Variants in SPRR2B observed in about 807,000 individuals in gnomAD.
SPRR2B encodes small proline rich protein 2B, also known as small proline-rich protein 2B.
A neutral mutation model predicts 1.0 loss-of-function variants in SPRR2B; 1 was observed. The observed-to-expected ratio is 1.01, with a 90% CI of 0.36 to 4.77. The LOEUF (loss-of-function observed/expected upper bound fraction) is 4.77, where lower values mean the gene tolerates loss of function less well. Ranked by LOEUF, SPRR2B falls within the 30% of genes most tolerant of loss-of-function variation. SPRR2B has a pLI of 0.16. For missense variants in SPRR2B, 53 were observed against 88.7 expected (o/e 0.60, Z 1.62); for synonymous variants, 27 against 33.4 (o/e 0.81, Z 0.66).
At chr1:153,084,666 C>T in the SPRR2B span, among the ~76,000 whole-genome samples, 2 of 152,140 alleles carry the variant, frequency 1.3e-5, no homozygotes, top group African/African-American at 2.4e-5. Flanking sequence ...AAGAACCCTG[C>T]CCCCAGCCCA....
At chr1:153,079,997 G>C in the SPRR2B span, among the ~76,000 whole-genome samples, 1 of 152,116 alleles carries the variant, frequency 6.6e-6, no homozygotes, top group Non-Finnish European at 1.5e-5. Context: ...CTATCCATGA[G>C]CATGGAATGT....
chr1:153,082,769 T>C, the SPRR2B span, among the ~76,000 whole-genome samples: 1 of 150,486 alleles, frequency 6.6e-6, no homozygotes, highest in Non-Finnish European at 1.5e-5. Context: ...AAAAAAAAGA[T>C]CTCAGATAAA....
chr1:153,076,896 A>G, the SPRR2B span, among the ~76,000 whole-genome samples: 1 of 152,244 alleles, frequency 6.6e-6, no homozygotes, highest in Non-Finnish European at 1.5e-5. Flanking sequence ...ATCAAGACTC[A>G]CAAAGACATG....
the SPRR2B span, among the ~76,000 whole-genome samples, chr1:153,081,369 T>C: frequency 3.9e-5 from 6 of 152,324 alleles, no homozygotes; most frequent in East Asian, 1.2e-3. Context: ...ATCAGAAACC[T>C]TGGAGATCAA....
chr1:153,073,805 G>C (rs1654721351), upstream of SPRR2B, among the ~76,000 whole-genome samples: 1 of 151,818 alleles, frequency 6.6e-6, no homozygotes, highest in Non-Finnish European at 1.5e-5. Flanking sequence ...GAGTCTGATA[G>C]CCTTAGGTTC....
At chr1:153,078,518 C>A in the SPRR2B span, among the ~76,000 whole-genome samples, 7 of 152,106 alleles carry the variant, frequency 4.6e-5, no homozygotes, top group Admixed American at 3.3e-4. Context: ...CCCCTCTACC[C>A]CCACCCCACA....
the SPRR2B span, among the ~76,000 whole-genome samples, chr1:153,078,251 C>T: frequency 1.3e-5 from 2 of 151,994 alleles, no homozygotes; most frequent in African/African-American, 4.8e-5. Context: ...AAATAGTAGC[C>T]AAAAGAGACC....
chr1:153,074,372 A>C (rs1654734224), upstream of SPRR2B, among the ~76,000 whole-genome samples: 1 of 152,260 alleles, frequency 6.6e-6, no homozygotes, highest in Admixed American at 6.5e-5. Flanking sequence ...AAAAATAAAG[A>C]AACAAAATTA....
At chr1:153,083,563 G>A in the SPRR2B span, among the ~76,000 whole-genome samples, 5 of 152,194 alleles carry the variant, frequency 3.3e-5, no homozygotes, top group African/African-American at 1.2e-4. Context: ...GGAAGGCACT[G>A]AGAGTGAACC....
the SPRR2B span, among the ~76,000 whole-genome samples, chr1:153,079,683 A>G: frequency 2.0e-5 from 3 of 152,164 alleles, no homozygotes; most frequent in East Asian, 1.9e-4. Flanking sequence ...GTAGATATGC[A>G]GCATTATTTC....
chr1:153,083,233 C>G, the SPRR2B span, among the ~76,000 whole-genome samples: 1 of 152,046 alleles, frequency 6.6e-6, no homozygotes, highest in Middle Eastern at 3.4e-3. Context: ...AATGTTGAAC[C>G]AGAAGGATTT....
chr1:153,078,082 T>G, the SPRR2B span, among the ~76,000 whole-genome samples: 1 of 152,194 alleles, frequency 6.6e-6, no homozygotes, highest in Non-Finnish European at 1.5e-5. Context: ...CATCAGTAAT[T>G]ACTTTAAATG....
At chr1:153,082,228 C>T in the SPRR2B span, among the ~76,000 whole-genome samples, 17 of 152,018 alleles carry the variant, frequency 1.1e-4, no homozygotes, top group South Asian at 2.1e-4. Context: ...ATAAATCAGA[C>T]GGTATTGAAA....
At position 153,070,360 on chromosome 1, in the gene SPRR2B, G is replaced by T; in HGVS notation, c.*261C>A. On this transcript the variant is annotated 3_prime_UTR_variant, in exon 2 of 2. Coordinates refer to ENST00000368755, the MANE Select transcript of SPRR2B (RefSeq NM_001388198.1). ...TCTGATGGTTCCCAGGCACACAGCT[G>T]CAGCTCTTTCTGCTGAAGCTCTGGG... The T allele has an allele frequency of 1.6e-6, 1 of 622,006 alleles. No individual in the cohort carries two copies. Among genetic ancestry groups the T allele is most frequent in the Non-Finnish European group, 2.7e-6 (1 of 370,014 alleles). The allele number at this position is 622,006 out of a possible 1,614,324, so 38.5% of individuals were successfully genotyped here. A position where few individuals can be genotyped will look rare whatever the true frequency, so the allele number is the denominator to read the frequency against.
chr1:153,074,704 A>G (rs1654739364), upstream of SPRR2B, among the ~76,000 whole-genome samples: 2 of 152,264 alleles, frequency 1.3e-5, no homozygotes, highest in East Asian at 1.9e-4. Flanking sequence ...TGGTGAAATT[A>G]CAGATGATAC....
At chr1:153,085,000 G>C in the SPRR2B span, among the ~76,000 whole-genome samples, 1 of 152,170 alleles carries the variant, frequency 6.6e-6, no homozygotes, top group Non-Finnish European at 1.5e-5. Flanking sequence ...GTTATCAAAT[G>C]AGATAAAGAA....
chr1:153,070,908 G>C (rs1462036977), intron 1 of SPRR2B, 50 bp from the exon 2 acceptor site: 8 of 1,252,428 alleles, frequency 6.4e-6, no homozygotes, highest in Non-Finnish European at 9.0e-6. Context: ...CCTCCAGAGA[G>C]AGAAGCCAAA....
chr1:153,071,261 G>C (rs1398977035), intron 1 of SPRR2B, among the ~76,000 whole-genome samples: 1 of 150,438 alleles, frequency 6.6e-6, no homozygotes, highest in Non-Finnish European at 1.5e-5. Flanking sequence ...AGAAGTGCTG[G>C]CTCTCACACC....
the SPRR2B span, among the ~76,000 whole-genome samples, chr1:153,076,800 G>C: frequency 1.6e-4 from 24 of 152,140 alleles, no homozygotes; most frequent in Admixed American, 5.2e-4. Context: ...GATCTACCAA[G>C]ATGTCCTTCA....
Sources: gnomAD v4.1 joint callset for allele counts (sites outside exome capture counted in the v4.1 genomes callset) on GRCh38, gnomAD v4.1.1 for gene constraint, MANE v1.5 for transcripts, NCBI Gene and HGNC (gene_info 2026-07-23, HGNC 2026-07-21) for gene names.